The following THSD7A variants were observed in gnomAD, a reference collection of about 807,000 sequenced individuals.
THSD7A encodes the protein thrombospondin type-1 domain-containing protein 7A.
A neutral mutation model predicts 231.3 loss-of-function variants in THSD7A; 96 were observed. The ratio of observed to expected loss-of-function variants is 0.41; its 90% CI spans 0.35 to 0.49. The LOEUF (loss-of-function observed/expected upper bound fraction) is 0.49, where lower values mean the gene tolerates loss of function less well. Ranked by LOEUF, THSD7A falls within the 20% of genes least tolerant of loss-of-function variation. The probability of loss-of-function intolerance (pLI) is 0.05; values close to 1 mark genes in which losing one functional copy is unlikely to be tolerated. For missense variants in THSD7A, 2,290 were observed against 2,070.2 expected, an observed-to-expected ratio of 1.11 and a Z score of -2.06; for synonymous variants, 940 against 743.3, an observed-to-expected ratio of 1.26 and a Z score of -4.30.
intron 14 of THSD7A, among the ~76,000 whole-genome samples, chr7:11,427,469 T>C (rs1784358483): frequency 6.6e-6 from 1 of 152,120 alleles, no homozygotes; most frequent in Non-Finnish European, 1.5e-5. Context: ...TGACAAATGG[T>C]TTAGGCCAAA....
chr7:11,580,263 T>A (rs994974954), intron 4 of THSD7A, among the ~76,000 whole-genome samples: 5 of 152,126 alleles, frequency 3.3e-5, no homozygotes, highest in African/African-American at 1.2e-4. Context: ...TGCAGGTGAT[T>A]CTTAAACTAT....
intron 5 of THSD7A, among the ~76,000 whole-genome samples, 153 bp from the exon 6 acceptor site, chr7:11,541,784 T>C (rs765978856): frequency 5.9e-5 from 9 of 152,076 alleles, no homozygotes; most frequent in Admixed American, 1.3e-4. Flanking sequence ...CTGTAGCTAA[T>C]GTGAGGTCAT....
At chr7:11,824,866 A>T (rs1197501069) in intron 1 of THSD7A, among the ~76,000 whole-genome samples, 1 of 152,174 alleles carries the variant, frequency 6.6e-6, no homozygotes. Flanking sequence ...GTTAATTTCA[A>T]GAATGTAAAA....
chr7:11,630,967 C>T (rs1006790291), intron 2 of THSD7A, among the ~76,000 whole-genome samples: 2 of 152,188 alleles, frequency 1.3e-5, no homozygotes, highest in Admixed American at 6.5e-5. Context: ...CCTACTCCTC[C>T]TCCATTCTAC....
At chr7:11,776,067 C>T (rs1019899019) in intron 1 of THSD7A, among the ~76,000 whole-genome samples, 2 of 152,080 alleles carry the variant, frequency 1.3e-5, no homozygotes, top group Non-Finnish European at 1.5e-5. Context: ...CTTTGTGGAC[C>T]TCTTCTGATG....
In THSD7A at chr7:11,769,121, CAATATATATATA is replaced by C. The variant is rs1440006612; in HGVS notation, c.190+62624_190+62635del. On this transcript the variant is annotated intron_variant, in intron 1 of 27. Transcript: ENST00000423059. ...TACAGGCACCTGCCATAATTCCTGG[CAATATATATATA>C]TATATATATATATATATATATTTTT... Among the ~76,000 whole-genome samples the C allele has an allele frequency of 2.9e-3, 164 of 55,964 alleles. 5 individuals carry two copies. Among genetic ancestry groups the C allele is most frequent in the African/African-American group, 7.6e-3 (120 of 15,802 alleles). 36.7% of individuals were successfully genotyped at this position (55,964 alleles called of 152,430 possible).
chr7:11,461,207 T>C (rs1785493972), intron 10 of THSD7A, among the ~76,000 whole-genome samples: 1 of 151,516 alleles, frequency 6.6e-6, no homozygotes, highest in South Asian at 2.1e-4. Flanking sequence ...ATAATATGCT[T>C]TACAAAAACA....
intron 4 of THSD7A, among the ~76,000 whole-genome samples, chr7:11,556,149 G>A (rs1443932436): frequency 6.6e-6 from 1 of 151,106 alleles, no homozygotes; most frequent in Non-Finnish European, 1.5e-5. Flanking sequence ...CATTTTCCCT[G>A]TCTTCCTGTG....
chr7:11,513,317 T>A (rs1385404629), intron 6 of THSD7A, among the ~76,000 whole-genome samples: 1 of 147,624 alleles, frequency 6.8e-6, no homozygotes, highest in African/African-American at 2.5e-5. Context: ...AAAAATAGAA[T>A]AAAATAATAA....
At chr7:11,724,386 TC>T (rs2128154562) in intron 1 of THSD7A, among the ~76,000 whole-genome samples, 1 of 152,066 alleles carries the variant, frequency 6.6e-6, no homozygotes, top group Admixed American at 6.6e-5. Flanking sequence ...ATTAAACACT[TC>T]TAAGTAATTC....
intron 16 of THSD7A, among the ~76,000 whole-genome samples, chr7:11,417,974 C>T (rs943995703): frequency 1.3e-5 from 2 of 152,132 alleles, no homozygotes; most frequent in African/African-American, 2.4e-5. Context: ...CAAAGAGCTT[C>T]GTAGAGGGCT....
chr7:11,382,669 A>G lies in THSD7A; in HGVS notation c.4412-53T>C, dbSNP rs1782565369. The G allele has an allele frequency of 4.7e-6, 6 of 1,289,302 alleles. No homozygotes were observed. In the Admixed American group the frequency reaches 5.3e-5, roughly 11 times the overall value. The allele number at this position is 1,289,302 out of a possible 1,614,324, so 79.9% of individuals were successfully genotyped here. A position where few individuals can be genotyped will look rare whatever the true frequency, so the allele number is the denominator to read the frequency against. ...AAGCATTCTGTTACCCAGAAGGACAATCATGGGGATAGAGTATTAATAACA... is the reference window on the plus strand; with the variant it reads ...AAGCATTCTGTTACCCAGAAGGACAGTCATGGGGATAGAGTATTAATAACA... On this transcript the variant is annotated intron_variant, in intron 23 of 27. Coordinates refer to ENST00000423059, the MANE Select transcript of THSD7A (RefSeq NM_015204.3).
chr7:11,557,548 C>T (rs925429918), intron 4 of THSD7A, among the ~76,000 whole-genome samples: 2 of 152,054 alleles, frequency 1.3e-5, no homozygotes, highest in African/African-American at 2.4e-5. Context: ...ATTTTTGCCT[C>T]ATGTCACAAG....
chr7:11,816,298 C>T (rs1382991406), intron 1 of THSD7A, among the ~76,000 whole-genome samples: 2 of 152,184 alleles, frequency 1.3e-5, no homozygotes, highest in African/African-American at 2.4e-5. Flanking sequence ...TTAATTCAGA[C>T]TGTGAATGGA....
intron 23 of THSD7A, among the ~76,000 whole-genome samples, chr7:11,386,829 T>C (rs1782763168): frequency 6.6e-6 from 1 of 152,198 alleles, no homozygotes; most frequent in South Asian, 2.1e-4. Context: ...TCTTCTACGG[T>C]TTTTACGGTT....
At chr7:11,781,940 T>A (rs911745034) in intron 1 of THSD7A, among the ~76,000 whole-genome samples, 1 of 152,120 alleles carries the variant, frequency 6.6e-6, no homozygotes, top group Non-Finnish European at 1.5e-5. Flanking sequence ...TCAGGAGTCT[T>A]TCCTCTGTGT....
intron 8 of THSD7A, among the ~76,000 whole-genome samples, chr7:11,472,990 G>C (rs1163588878): frequency 6.6e-6 from 1 of 152,096 alleles, no homozygotes; most frequent in Admixed American, 6.6e-5. Context: ...TTAATACACT[G>C]TACATTAATT....
intron 26 of THSD7A, among the ~76,000 whole-genome samples, chr7:11,378,372 A>G (rs1782365015): frequency 6.6e-6 from 1 of 152,224 alleles, no homozygotes; most frequent in Non-Finnish European, 1.5e-5. Context: ...ATGAAATCCA[A>G]CTGAGGAGGG....
At position 11,500,518 on chromosome 7, in the gene THSD7A, T is replaced by C. The variant is rs574981133; in HGVS notation, c.1823-18536A>G. On this transcript the variant is annotated intron_variant, in intron 6 of 27. Transcript: ENST00000423059. ...ATAACCCCACTTACAAGGCACAGAG[T>C]GGCAAGCTGGATAAAAAAGCAAGAC... is the stretch of plus-strand genomic sequence containing the variant. 1.7e-4 allele frequency among the ~76,000 whole-genome samples: 26 copies of C among 151,852 alleles called. No individual in the cohort carries two copies. In the South Asian group the frequency reaches 4.8e-3, roughly 28 times the overall value.
Sources: allele counts gnomAD v4.1 joint callset (sites outside exome capture counted in the v4.1 genomes callset), GRCh38; gene constraint gnomAD v4.1.1; transcripts MANE v1.5; gene names NCBI Gene and HGNC (gene_info 2026-07-23, HGNC 2026-07-21).